MAP2: variants seen among roughly 807,000 people sequenced by gnomAD.
MAP2 encodes the protein microtubule associated protein 2.
A neutral mutation model predicts 137.6 loss-of-function variants in MAP2; 14 were observed. The ratio of observed to expected loss-of-function variants is 0.10; its 90% CI spans 0.07 to 0.16. The LOEUF (loss-of-function observed/expected upper bound fraction) is 0.16, where lower values mean the gene tolerates loss of function less well. MAP2 is among the 10% of genes least tolerant of loss of function. The pLI, the probability that MAP2 is intolerant of heterozygous loss-of-function variation, is 1.00. For missense variants in MAP2, 2,088 were observed against 2,191.5 expected, an observed-to-expected ratio of 0.95 and a Z score of 0.94; for synonymous variants, 786 against 782.3, an observed-to-expected ratio of 1.00 and a Z score of -0.08.
chr2:209,596,407 C>A (rs1268294592), intron 3 of MAP2, among the ~76,000 whole-genome samples: 1 of 152,174 alleles, frequency 6.6e-6, no homozygotes, highest in African/African-American at 2.4e-5. Context: ...GACTGCTATT[C>A]ATTCTTATTT....
rs756807197 is a variant in MAP2, at chr2:209,696,179, G to A, written c.4009G>A (p.Ala1337Thr). 6 of 1,612,964 alleles carry A rather than the reference G, an allele frequency of 3.7e-6. No homozygotes were observed. Among genetic ancestry groups the A allele is most frequent in the Non-Finnish European group, 5.1e-6 (6 of 1,179,652 alleles). The change falls in exon 8 of 16, where the codon GCT (alanine) becomes ACT (threonine). Residue 1337 changes from alanine to threonine, a missense_variant. This residue lies in a region of MAP2 where 591 missense variants were observed against 642.6 expected (regional missense o/e 0.92). Transcript: ENST00000682079. ...DEEEFEVEEA[A>T]EAQAEPKDGS... ...AGAAGAGTTTGAAGTAGAAGAGGCA[G>A]CTGAAGCCCAGGCAGAACCCAAAGA...
chr2:209,561,005 A>G (rs2071925128), intron 2 of MAP2, among the ~76,000 whole-genome samples: 1 of 152,166 alleles, frequency 6.6e-6, no homozygotes, highest in South Asian at 2.1e-4. Context: ...AGCCCAGATG[A>G]CCAGAAAACA....
At chr2:209,708,002 C>A (rs924067350) in intron 12 of MAP2, among the ~76,000 whole-genome samples, 3 of 152,164 alleles carry the variant, frequency 2.0e-5, no homozygotes, top group African/African-American at 4.8e-5. Flanking sequence ...TGTCTACCTA[C>A]TGTTTTCAGC....
At chr2:209,696,517 TGTC>T in intron 8 of MAP2, 22 bp from the exon 9 acceptor site, 1 of 1,571,068 alleles carries the variant, frequency 6.4e-7, no homozygotes, top group Non-Finnish European at 8.7e-7. Context: ...TTGTTGTTGT[TGTC>T]ATGATTTGCT....
chr2:209,733,306 C>G lies in MAP2; in HGVS notation c.*2909C>G, dbSNP rs2076013241. On this transcript the variant is annotated 3_prime_UTR_variant, in exon 16 of 16. Coordinates refer to ENST00000682079, the MANE Select transcript of MAP2 (RefSeq NM_001375505.1). ...GGCCACGTTCATTTAGGAACCAACT[C>G]TCTCTGGATTTACCTGCTGAGTTCC... The G allele has an allele frequency of 6.6e-6, 1 of 152,598 alleles. No homozygotes were observed. The highest frequency in any genetic ancestry group is 2.1e-4 in the South Asian group (1 of 4,828). 9.5% of individuals were successfully genotyped at this position (152,598 alleles called of 1,614,324 possible). A position where few individuals can be genotyped will look rare whatever the true frequency, so the allele number is the denominator to read the frequency against.
chr2:209,522,675 GA>G (rs1559272791), intron 2 of MAP2, among the ~76,000 whole-genome samples: 2 of 152,072 alleles, frequency 1.3e-5, no homozygotes, highest in Non-Finnish European at 2.9e-5. Flanking sequence ...CTCAATCCAG[GA>G]AATTTATTTA....
intron 8 of MAP2, 91 bp from the exon 9 acceptor site, chr2:209,696,451 T>C: frequency 6.7e-7 from 1 of 1,482,268 alleles, no homozygotes; most frequent in Non-Finnish European, 9.1e-7. Flanking sequence ...CTCTTTATTT[T>C]GTATTTTGTT....
At chr2:209,593,920 T>A (rs373492646) in intron 3 of MAP2, among the ~76,000 whole-genome samples, 4 of 41,036 alleles carry the variant, frequency 9.7e-5, no homozygotes, top group Non-Finnish European at 1.9e-4. Flanking sequence ...ATATTTATAT[T>A]ATTAAAATAT....
At chr2:209,673,097 T>C (rs2049607265) in intron 5 of MAP2, among the ~76,000 whole-genome samples, 1 of 151,898 alleles carries the variant, frequency 6.6e-6, no homozygotes, top group South Asian at 2.1e-4. Flanking sequence ...GATGTTTACC[T>C]GGATAGTGGT....
intron 5 of MAP2, among the ~76,000 whole-genome samples, chr2:209,673,569 C>A (rs1427412391): frequency 6.6e-6 from 1 of 151,636 alleles, no homozygotes; most frequent in Non-Finnish European, 1.5e-5. Flanking sequence ...ATGTCCAGTG[C>A]CAGAACATTT....
intron 10 of MAP2, among the ~76,000 whole-genome samples, chr2:209,698,564 T>C (rs1174007456): frequency 2.6e-5 from 4 of 152,154 alleles, no homozygotes; most frequent in Non-Finnish European, 5.9e-5. Context: ...ATTCCAAGTA[T>C]TTTGTATTTG....
At chr2:209,542,755 C>T (rs577053614) in intron 2 of MAP2, among the ~76,000 whole-genome samples, 1 of 152,220 alleles carries the variant, frequency 6.6e-6, no homozygotes. Context: ...TCTGCAGCTT[C>T]TTTACCTCTC....
intron 1 of MAP2, among the ~76,000 whole-genome samples, chr2:209,435,884 T>C (rs1322962063): frequency 2.0e-5 from 3 of 147,148 alleles, no homozygotes; most frequent in Non-Finnish European, 4.5e-5. Context: ...GTGAATAATA[T>C]AGGCTTCTAT....
intron 1 of MAP2, among the ~76,000 whole-genome samples, chr2:209,457,811 T>A (rs1212054366): frequency 1.3e-5 from 2 of 152,054 alleles, no homozygotes; most frequent in African/African-American, 4.8e-5. Context: ...TGTAGATACC[T>A]GAGTTTCATT....
chr2:209,730,162 C>G lies in MAP2; in HGVS notation c.5269-20C>G. The G allele has an allele frequency of 1.2e-6, 2 of 1,603,428 alleles. No individual in the cohort carries two copies. Among genetic ancestry groups the G allele is most frequent in the Non-Finnish European group, 1.7e-6 (2 of 1,170,702 alleles). ...GTTAAGATGCATGAGTTAACGAGGA[C>G]TGATGCTTGTCTTAAACAGATTGAC... On this transcript the variant is annotated intron_variant, in intron 15 of 15. Coordinates refer to ENST00000682079, the MANE Select transcript of MAP2 (RefSeq NM_001375505.1).
intron 3 of MAP2, among the ~76,000 whole-genome samples, chr2:209,587,614 G>A (rs10203283): frequency 0.92 from 139,532 of 152,190 alleles, 64,763 homozygotes; most frequent in East Asian, 1. Flanking sequence ...CTATGGGAAC[G>A]TGGGAGCACT....
chr2:209,563,841 CT>C (rs1027019524), intron 2 of MAP2, among the ~76,000 whole-genome samples: 2 of 151,520 alleles, frequency 1.3e-5, no homozygotes, highest in African/African-American at 2.4e-5. Flanking sequence ...AAAAAATAAG[CT>C]TTTTTTTTCT....
At chr2:209,467,000 G>A (rs1704292372) in intron 1 of MAP2, among the ~76,000 whole-genome samples, 1 of 152,054 alleles carries the variant, frequency 6.6e-6, no homozygotes, top group African/African-American at 2.4e-5. Context: ...GTATGTCCCA[G>A]TCAGAACTCA....
At chr2:209,705,381 T>C (rs1428244190) in intron 11 of MAP2, 199 bp from the exon 12 acceptor site, 1 of 363,520 alleles carries the variant, frequency 2.8e-6, no homozygotes, top group African/African-American at 2.1e-5. Flanking sequence ...CAAAATAATG[T>C]ATTTTTACAA....
Sources: gnomAD v4.1 joint callset for allele counts (sites outside exome capture counted in the v4.1 genomes callset) on GRCh38, gnomAD v4.1.1 for gene constraint, gnomAD v4.1.1 regional missense constraint, MANE v1.5 for transcripts, NCBI Gene and HGNC (gene_info 2026-07-23, HGNC 2026-07-21) for gene names.